Variants in CADPS observed in about 807,000 individuals in gnomAD.
CADPS encodes the protein calcium-dependent secretion activator 1.
A neutral mutation model predicts 167.3 loss-of-function variants in CADPS; 57 were observed. That is an observed-to-expected ratio of 0.34 (90% CI 0.28 to 0.42). CADPS has a LOEUF of 0.42. CADPS is among the 20% of genes least tolerant of loss of function. The pLI is 1.00. For missense variants in CADPS, 1,414 were observed against 1,738.1 expected (o/e 0.81, Z 3.32); for synonymous variants, 676 against 635.3 (o/e 1.06, Z -0.96).
chr3:62,589,923 C>T (rs1396342246), intron 7 of CADPS, among the ~76,000 whole-genome samples: 2 of 152,150 alleles, frequency 1.3e-5, no homozygotes, highest in Non-Finnish European at 2.9e-5. Context: ...GGTGCAGTAG[C>T]TCATGCCTCT....
intron 1 of CADPS, among the ~76,000 whole-genome samples, chr3:62,829,078 A>G (rs2074585893): frequency 6.6e-6 from 1 of 152,140 alleles, no homozygotes; most frequent in African/African-American, 2.4e-5. Flanking sequence ...GCATATCAAC[A>G]TCTTAGGGAC....
At position 62,647,686 on chromosome 3, in the gene CADPS, A is replaced by G. The variant is rs2068902540; in HGVS notation, c.1204-1843T>C. Among the ~76,000 whole-genome samples the G allele has an allele frequency of 2.0e-5, 3 of 152,214 alleles. No homozygotes were observed. In the South Asian group the frequency reaches 6.2e-4, roughly 31 times the overall value. ...ACATTTTTACATTGGGAAGAACCATATAAATAGAAAGAAATGGAAGGCACA... is the reference window on the plus strand; with the variant it reads ...ACATTTTTACATTGGGAAGAACCATGTAAATAGAAAGAAATGGAAGGCACA... On this transcript the variant is annotated intron_variant, in intron 5 of 29. Coordinates refer to ENST00000383710, the MANE Select transcript of CADPS (RefSeq NM_003716.4).
At chr3:62,499,449 A>C in intron 17 of CADPS, 181 bp from the exon 18 acceptor site, 1 of 464,242 alleles carries the variant, frequency 2.2e-6, no homozygotes, top group Non-Finnish European at 3.9e-6. Context: ...TATTATCACC[A>C]TTATTATAAT....
At chr3:62,562,418 A>G (rs2079334782) in intron 9 of CADPS, among the ~76,000 whole-genome samples, 1 of 152,182 alleles carries the variant, frequency 6.6e-6, no homozygotes, top group Admixed American at 6.5e-5. Flanking sequence ...AGTTCAGTTA[A>G]CTTTTCTGGG....
intron 6 of CADPS, among the ~76,000 whole-genome samples, chr3:62,599,890 TTA>T (rs1455650823): frequency 5.9e-5 from 4 of 67,394 alleles, no homozygotes; most frequent in African/African-American, 1.6e-4. Flanking sequence ...TATATATATA[TTA>T]TATATACCAT....
At chr3:62,635,976 C>T (rs2066227251) in intron 6 of CADPS, among the ~76,000 whole-genome samples, 1 of 152,128 alleles carries the variant, frequency 6.6e-6, no homozygotes, top group Admixed American at 6.5e-5. Flanking sequence ...CCAAAGGAAA[C>T]TAAAAAAGGC....
chr3:62,621,793 G>T (rs568002551), intron 6 of CADPS, among the ~76,000 whole-genome samples: 47 of 151,920 alleles, frequency 3.1e-4, no homozygotes, highest in Middle Eastern at 3.4e-3. Flanking sequence ...CTATACCTCC[G>T]TGAGTTCCCA....
intron 6 of CADPS, among the ~76,000 whole-genome samples, chr3:62,619,473 T>C (rs551695816): frequency 2.0e-5 from 3 of 152,300 alleles, no homozygotes; most frequent in African/African-American, 7.2e-5. Flanking sequence ...AATACATTGA[T>C]ATGACAAGAA....
intron 1 of CADPS, among the ~76,000 whole-genome samples, chr3:62,839,878 C>T (rs187655067): frequency 2.6e-5 from 4 of 152,214 alleles, no homozygotes; most frequent in African/African-American, 9.6e-5. Flanking sequence ...GAGGGAGACA[C>T]ATTCAAATAG....
At chr3:62,764,092 A>C (rs1392608118) in intron 2 of CADPS, among the ~76,000 whole-genome samples, 1 of 152,174 alleles carries the variant, frequency 6.6e-6, no homozygotes, top group Non-Finnish European at 1.5e-5. Context: ...GCAACCTATA[A>C]ATTTATAAAC....
Position 62,578,187 on chromosome 3 carries a change from C to CT in CADPS, c.1577+6997dup, listed in dbSNP as rs34788967. 3.1e-3 allele frequency among the ~76,000 whole-genome samples: 448 copies of CT among 142,648 alleles called. 2 individuals carry two copies. Among genetic ancestry groups the CT allele is most frequent in the African/African-American group, 9.1e-3 (353 of 38,818 alleles). 93.6% of individuals were successfully genotyped at this position (142,648 alleles called of 152,430 possible). ...AAAAAAAAGATTTACCATGCTAACACTTTTTTTTTTTTTTTTTACAAAAAA... is the reference window on the plus strand; with the variant it reads ...AAAAAAAAGATTTACCATGCTAACACTTTTTTTTTTTTTTTTTTACAAAAAA... On this transcript the variant is annotated intron_variant, in intron 8 of 29. Transcript: ENST00000383710.
intron 13 of CADPS, among the ~76,000 whole-genome samples, chr3:62,524,152 T>C (rs926475986): frequency 2.6e-5 from 4 of 152,216 alleles, no homozygotes; most frequent in Non-Finnish European, 5.9e-5. Context: ...CCTTTGAATT[T>C]AATCCTTGCA....
intron 1 of CADPS, among the ~76,000 whole-genome samples, chr3:62,806,869 C>G (rs796265593): frequency 6.6e-6 from 1 of 152,144 alleles, no homozygotes; most frequent in Non-Finnish European, 1.5e-5. Context: ...TGTCCTTGCT[C>G]AGGCAAGGAA....
chr3:62,675,917 T>C (rs1483981632), intron 3 of CADPS, among the ~76,000 whole-genome samples: 3 of 152,080 alleles, frequency 2.0e-5, no homozygotes, highest in African/African-American at 7.2e-5. Context: ...CTGTAGTGAT[T>C]ATGGCAAATC....
At chr3:62,768,739 A>G (rs960995724) in intron 1 of CADPS, among the ~76,000 whole-genome samples, 2 of 152,198 alleles carry the variant, frequency 1.3e-5, no homozygotes, top group African/African-American at 4.8e-5. Context: ...AAAAAAGCAC[A>G]TTAAATTATG....
chr3:62,602,332 C>T lies in CADPS; in HGVS notation c.1326-9584G>A, dbSNP rs79625541. 0.011 allele frequency among the ~76,000 whole-genome samples: 1,646 copies of T among 152,064 alleles called. 22 individuals carry two copies. The highest frequency in any genetic ancestry group is 0.038 in the African/African-American group (1,558 of 41,456). ...CAGCATAAGGCCATAATTCATGTCT[C>T]GGAGACTGGATTTGCATTTATTCAA... On this transcript the variant is annotated intron_variant, in intron 6 of 29. Transcript: ENST00000383710. This position sits in a 1 kb window ranked among gnomAD's most constrained non-coding sequence, Gnocchi z 4.4.
In CADPS at chr3:62,694,396, A is replaced by G. The variant is rs561670002; in HGVS notation, c.889-32002T>C. On this transcript the variant is annotated intron_variant, in intron 3 of 29. Transcript: ENST00000383710. ...TCACTGTCAATGTTGTTTACTTTAA[A>G]CTTTTTAATTGTCTTTGTACTTCAG... Among the ~76,000 whole-genome samples, 3 of 152,096 alleles carry G rather than the reference A, an allele frequency of 2.0e-5. No individual in the cohort carries two copies. The South Asian group carries it at 6.2e-4, about 32-fold the overall frequency.
intron 1 of CADPS, among the ~76,000 whole-genome samples, chr3:62,839,389 C>A (rs1276652830): frequency 6.6e-6 from 1 of 152,032 alleles, no homozygotes; most frequent in African/African-American, 2.4e-5. Flanking sequence ...CGGGGTTTCA[C>A]CATTTGGCCA....
intron 13 of CADPS, among the ~76,000 whole-genome samples, chr3:62,531,220 A>T (rs533230805): frequency 1.8e-4 from 14 of 77,784 alleles, no homozygotes; most frequent in Admixed American, 1.6e-3. Context: ...ATATAATGCA[A>T]CTTCTCTCTC....
Sources: allele counts gnomAD v4.1 joint callset (sites outside exome capture counted in the v4.1 genomes callset), GRCh38; gene constraint gnomAD v4.1.1; non-coding constraint Gnocchi (gnomAD v3.1); transcripts MANE v1.5; gene names NCBI Gene and HGNC (gene_info 2026-07-23, HGNC 2026-07-21).